Variants in PAAF1 observed in about 807,000 individuals in gnomAD.
PAAF1 encodes the protein proteasomal ATPase-associated factor 1.
Under a neutral mutation model 52.8 loss-of-function variants are expected in PAAF1, and 46 were observed. The observed-to-expected ratio is 0.87, with a 90% confidence interval of 0.69 to 1.11. PAAF1 has a LOEUF of 1.11. Ranked by LOEUF, PAAF1 falls within the 50% of genes most tolerant of loss-of-function variation. The pLI is 0.00. For synonymous variants in PAAF1, 178 were observed against 172.8 expected, an observed-to-expected ratio of 1.03 and a Z score of -0.24; for missense variants, 424 against 477.4, an observed-to-expected ratio of 0.89 and a Z score of 1.04.
At chr11:73,886,906 C>A (rs1949076299) in intron 2 of PAAF1, 3 of 370,186 alleles carry the variant, frequency 8.1e-6, no homozygotes, top group Non-Finnish European at 1.6e-5. Context: ...ACTGAGTTCT[C>A]ACTCTGTTCT....
At chr11:73,877,206 G>A in intron 1 of PAAF1, 138 bp downstream of exon 1, 3 of 881,158 alleles carry the variant, frequency 3.4e-6, no homozygotes, top group Non-Finnish European at 3.2e-6. Context: ...AACAGGGTCC[G>A]GAAAAAGAAG....
intron 10 of PAAF1, among the ~76,000 whole-genome samples, chr11:73,919,749 T>C (rs1950160106): frequency 6.6e-6 from 1 of 152,200 alleles, no homozygotes; most frequent in South Asian, 2.1e-4. Flanking sequence ...AGGAATGATG[T>C]AGGTCAGGAG....
chr11:73,924,799 A>C, intron 11 of PAAF1, 102 bp downstream of exon 11: 1 of 898,842 alleles, frequency 1.1e-6, no homozygotes, highest in Admixed American at 2.2e-5. Context: ...GGGATGATAA[A>C]ATAGTGCTTA....
At chr11:73,893,738 C>CAAAAAAAAAAAA (rs564348245) in intron 4 of PAAF1, among the ~76,000 whole-genome samples, 3 of 71,960 alleles carry the variant, frequency 4.2e-5, no homozygotes, top group Admixed American at 1.7e-4. Flanking sequence ...ACTCTGTCTC[C>CAAAAAAAAAAAA]AAAAAAAAAA....
intron 2 of PAAF1, 52 bp downstream of exon 2, chr11:73,878,871 C>A (rs775318362): frequency 2.0e-5 from 31 of 1,537,286 alleles, no homozygotes; most frequent in African/African-American, 2.8e-5. Flanking sequence ...AGGATTAATA[C>A]CCTTAAAAGA....
chr11:73,899,853 C>T (rs754025358), intron 5 of PAAF1, among the ~76,000 whole-genome samples: 3 of 152,134 alleles, frequency 2.0e-5, no homozygotes, highest in Admixed American at 6.6e-5. Context: ...GATCCATTTC[C>T]AAGACAGAAT....
intron 3 of PAAF1, chr11:73,889,160 C>G (rs1949137506): frequency 1.1e-5 from 17 of 1,525,048 alleles, no homozygotes; most frequent in African/African-American, 1.4e-5. Context: ...TCTTTCTTCC[C>G]TTCATACTCA....
At chr11:73,889,031 A>G (rs983509932) in intron 3 of PAAF1, 2 of 564,686 alleles carry the variant, frequency 3.5e-6, no homozygotes, top group African/African-American at 1.9e-5. Flanking sequence ...ATTAATCTCA[A>G]ATAATCAAAG....
chr11:73,911,998 G>T (rs1475395617), intron 7 of PAAF1, among the ~76,000 whole-genome samples: 1 of 151,832 alleles, frequency 6.6e-6, no homozygotes, highest in Non-Finnish European at 1.5e-5. Context: ...GAATTCAGTG[G>T]TATTTCACAT....
chr11:73,910,908 T>C (rs1289754067), intron 7 of PAAF1, among the ~76,000 whole-genome samples: 2 of 148,156 alleles, frequency 1.3e-5, no homozygotes. Context: ...GAGAATCGTG[T>C]GAACCTGGGA....
intron 2 of PAAF1, among the ~76,000 whole-genome samples, chr11:73,883,393 C>A (rs1357427249): frequency 3.3e-5 from 5 of 152,210 alleles, no homozygotes; most frequent in African/African-American, 7.2e-5. Flanking sequence ...TTCCACCCCC[C>A]AATCCTAGCA....
rs898455396 is a variant in PAAF1, at chr11:73,917,168, G to A, written c.935+508G>A. 2.6e-5 allele frequency among the ~76,000 whole-genome samples: 4 copies of A among 151,932 alleles called. No individual in the cohort carries two copies. In the South Asian group the frequency reaches 6.2e-4, roughly 24 times the overall value. The stretch of plus-strand genomic sequence containing the variant: ...CCTGAGTAGCTGGGATTACAGGTGC[G>A]CGCTACCACACCCAGCTAATTTTTG... On this transcript the variant is annotated intron_variant, in intron 9 of 11. Coordinates refer to ENST00000310571, the MANE Select transcript of PAAF1 (RefSeq NM_025155.3).
chr11:73,904,463 TTTA>T (rs1949705093), intron 6 of PAAF1, among the ~76,000 whole-genome samples: 1 of 152,188 alleles, frequency 6.6e-6, no homozygotes, highest in Non-Finnish European at 1.5e-5. Context: ...ACTAGTTGGC[TTTA>T]TTTTTATTTT....
In PAAF1 at chr11:73,906,350, T is replaced by G. The variant is rs910351265; in HGVS notation, c.533-3049T>G. The stretch of plus-strand genomic sequence containing the variant: ...TCACTTCAACCTCTGCCTCTCGGGT[T>G]CAAGTGATTCTTGTGCCTCAGCCTC... On this transcript the variant is annotated intron_variant, in intron 6 of 11. Transcript: ENST00000310571. Among the ~76,000 whole-genome samples the G allele has an allele frequency of 2.6e-5, 4 of 152,218 alleles. No individual in the cohort carries two copies. In the South Asian group the frequency reaches 6.2e-4, roughly 24 times the overall value.
intron 7 of PAAF1, among the ~76,000 whole-genome samples, chr11:73,912,269 G>A (rs1305266300): frequency 6.6e-6 from 1 of 152,062 alleles, no homozygotes; most frequent in Non-Finnish European, 1.5e-5. Flanking sequence ...TTTCACCTGA[G>A]TTTCAGACTC....
chr11:73,885,674 T>C (rs952183750), intron 2 of PAAF1, among the ~76,000 whole-genome samples: 1 of 151,276 alleles, frequency 6.6e-6, no homozygotes, highest in African/African-American at 2.4e-5. Flanking sequence ...AAACCCCGTC[T>C]CTACTAAAAA....
At chr11:73,897,247 C>T (rs1402761171) in intron 4 of PAAF1, among the ~76,000 whole-genome samples, 4 of 142,030 alleles carry the variant, frequency 2.8e-5, no homozygotes, top group African/African-American at 5.5e-5. Flanking sequence ...CCCCCCCCAC[C>T]TCCCTCCCGG....
At position 73,913,224 on chromosome 11, in the gene PAAF1, C is replaced by A. The variant is rs185868695; in HGVS notation, c.728-1189C>A. Among the ~76,000 whole-genome samples, 3 of 152,258 alleles carry A rather than the reference C, an allele frequency of 2.0e-5. No individual in the cohort carries two copies. The East Asian group carries it at 5.8e-4, about 29-fold the overall frequency. ...TGGTCTGGAATATACTCCTGCAGGTCTTCACATGACTGGTTTCTGTTCACC... is the reference window on the plus strand; with the variant it reads ...TGGTCTGGAATATACTCCTGCAGGTATTCACATGACTGGTTTCTGTTCACC... On this transcript the variant is annotated intron_variant, in intron 7 of 11. Transcript: ENST00000310571.
intron 3 of PAAF1, among the ~76,000 whole-genome samples, chr11:73,890,573 G>A (rs1302721250): frequency 2.0e-5 from 3 of 152,176 alleles, no homozygotes; most frequent in East Asian, 3.8e-4. Context: ...TTTTATGGGT[G>A]TACCATAATT....
Sources: gnomAD v4.1 joint callset for allele counts (sites outside exome capture counted in the v4.1 genomes callset) on GRCh38, gnomAD v4.1.1 for gene constraint, MANE v1.5 for transcripts, NCBI Gene and HGNC (gene_info 2026-07-23, HGNC 2026-07-21) for gene names.